WRN: variants seen among roughly 807,000 people sequenced by gnomAD.
WRN encodes the protein bifunctional 3'-5' exonuclease/ATP-dependent helicase WRN.
In WRN, 149 loss-of-function variants were observed where a neutral mutation model predicts 180.7. The observed-to-expected ratio is 0.82, with a 90% confidence interval of 0.72 to 0.94. The LOEUF (loss-of-function observed/expected upper bound fraction) is 0.94, where lower values mean the gene tolerates loss of function less well. Ranked by LOEUF, WRN falls within the 40% of genes least tolerant of loss-of-function variation. The pLI, the probability that WRN is intolerant of heterozygous loss-of-function variation, is 0.00. For missense variants in WRN, 1,661 were observed against 1,700.1 expected, an observed-to-expected ratio of 0.98 and a Z score of 0.40; for synonymous variants, 548 against 568.9, an observed-to-expected ratio of 0.96 and a Z score of 0.52.
In WRN at chr8:31,033,929, C is replaced by G. The variant is rs1563314112; in HGVS notation, c.-121C>G. ...AGGCCCTGCTTGTGGTGGCGCTCCA[C>G]AGTCATCCGGCTGAAGAAGACCTGT... On this transcript the variant is annotated 5_prime_UTR_variant, in exon 1 of 35. Transcript: ENST00000298139. 1 of 152,362 alleles carries G rather than the reference C, an allele frequency of 6.6e-6. No individual in the cohort carries two copies. Among genetic ancestry groups the G allele is most frequent in the Non-Finnish European group, 1.5e-5 (1 of 68,182 alleles). 9.4% of individuals were successfully genotyped at this position (152,362 alleles called of 1,614,324 possible).
At chr8:31,125,614 G>A (rs1368126738) in intron 23 of WRN, among the ~76,000 whole-genome samples, 1 of 137,438 alleles carries the variant, frequency 7.3e-6, no homozygotes, top group Non-Finnish European at 1.6e-5. Context: ...GGGATGAGGC[G>A]ACTGATTTTG....
In WRN at chr8:31,166,184, A is replaced by T. The variant is rs548050850; in HGVS notation, c.3983-838A>T. 4.5e-4 allele frequency among the ~76,000 whole-genome samples: 68 copies of T among 152,304 alleles called. 2 individuals carry two copies. The South Asian group carries it at 0.014, about 31-fold the overall frequency. On this transcript the variant is annotated intron_variant, in intron 33 of 34. Coordinates refer to ENST00000298139, the MANE Select transcript of WRN (RefSeq NM_000553.6). ...CTTTTCAGGTTGTCATTTGAAAAATACTTGATTTCTGATCACTGATTTGAA... is the reference window on the plus strand; with the variant it reads ...CTTTTCAGGTTGTCATTTGAAAAATTCTTGATTTCTGATCACTGATTTGAA...
rs187582238 is a variant in WRN, at chr8:31,048,032, T to C, written c.-76-10340T>C. Among the ~76,000 whole-genome samples the C allele has an allele frequency of 4.4e-3, 666 of 152,330 alleles. 3 individuals are homozygous for C. The highest frequency in any genetic ancestry group is 5.3e-3 in the Non-Finnish European group (360 of 68,028). On this transcript the variant is annotated intron_variant, in intron 1 of 34. Transcript: ENST00000298139. ...ATGGCATTTTATTGTGTTTATTTGT[T>C]TGATTCCATTTACAGTTTATTTCAC... is the stretch of plus-strand genomic sequence containing the variant.
chr8:31,064,381 A>G lies in WRN; in HGVS notation c.302A>G (p.Gln101Arg). Residue 101 changes from glutamine to arginine, a missense_variant, in exon 4 of 35, where the codon CAG becomes CGG. Gln to Arg is a conservative substitution (Grantham distance 43). Around this residue, in one of 3 missense-constraint regions of WRN, gnomAD observed 500 missense variants for 504.1 expected, o/e 0.99. Transcript: ENST00000298139. ...RGKLGKVALI[Q>R]LCVSESKCYL... ...AAACTTGGCAAAGTTGCACTAATTCAGTTGTGTGTTTCTGAGAGCAAATGT... is the reference window on the plus strand; with the variant it reads ...AAACTTGGCAAAGTTGCACTAATTCGGTTGTGTGTTTCTGAGAGCAAATGT... The G allele has an allele frequency of 1.2e-6, 2 of 1,614,140 alleles. No homozygotes were observed. Among genetic ancestry groups the G allele is most frequent in the East Asian group, 4.5e-5 (2 of 44,864 alleles).
chr8:31,160,830 C>CA (rs1803583102), intron 33 of WRN, among the ~76,000 whole-genome samples: 1 of 151,748 alleles, frequency 6.6e-6, no homozygotes. Context: ...CTAAAAATAC[C>CA]AAAATTAGCT....
chr8:31,087,009 A>G (rs961746671), intron 11 of WRN, among the ~76,000 whole-genome samples: 17 of 152,192 alleles, frequency 1.1e-4, no homozygotes, highest in African/African-American at 3.9e-4. Flanking sequence ...AAACAAACAG[A>G]AACACTTCTT....
At chr8:31,047,449 C>G (rs951347327) in intron 1 of WRN, among the ~76,000 whole-genome samples, 1 of 152,170 alleles carries the variant, frequency 6.6e-6, no homozygotes, top group Non-Finnish European at 1.5e-5. Context: ...TCTGAATCAT[C>G]ATTGCAGCAA....
intron 1 of WRN, among the ~76,000 whole-genome samples, chr8:31,041,905 G>A (rs765484736): frequency 6.6e-6 from 1 of 152,170 alleles, no homozygotes; most frequent in Non-Finnish European, 1.5e-5. Flanking sequence ...TTTATTCGGG[G>A]TTAGAGTTTT....
rs187771930 is a variant in WRN, at chr8:31,125,651, G to A, written c.2825+651G>A. On this transcript the variant is annotated intron_variant, in intron 23 of 34. Transcript: ENST00000298139. ...AGAATTAGCTCACGAAATTGTGGGG[G>A]TTGGCAAGTCTGAAATTTGTAGAGC... Among the ~76,000 whole-genome samples the A allele has an allele frequency of 2.0e-5, 3 of 146,620 alleles. No individual in the cohort carries two copies. The Admixed American group carries it at 2.1e-4, about 10-fold the overall frequency.
At chr8:31,127,594 A>AT (rs1801976002) in intron 23 of WRN, among the ~76,000 whole-genome samples, 1 of 151,974 alleles carries the variant, frequency 6.6e-6, no homozygotes, top group Admixed American at 6.6e-5. Flanking sequence ...TTAAAAAAAA[A>AT]CAAAAACAAA....
At position 31,053,797 on chromosome 8, in the gene WRN, A is replaced by G. The variant is rs188364185; in HGVS notation, c.-76-4575A>G. 6.3e-3 allele frequency among the ~76,000 whole-genome samples: 956 copies of G among 152,354 alleles called. 7 individuals carry two copies. The highest frequency in any genetic ancestry group is 0.01 in the Non-Finnish European group (700 of 68,018). Reference sequence around the variant, plus strand: ...GTTTAATTGGTGTTATTTGAATCCTAAAGAAGAATTAATAGTACTAGTAGA... The same window carrying G: ...GTTTAATTGGTGTTATTTGAATCCTGAAGAAGAATTAATAGTACTAGTAGA... On this transcript the variant is annotated intron_variant, in intron 1 of 34. Transcript: ENST00000298139.
intron 18 of WRN, 73 bp from the exon 19 acceptor site, chr8:31,111,542 G>T: frequency 1.3e-6 from 2 of 1,560,260 alleles, no homozygotes; most frequent in Non-Finnish European, 1.8e-6. Flanking sequence ...CAGTCTCTTT[G>T]TAAGAAAGCT....
chr8:31,125,070 AT>A, intron 23 of WRN, 70 bp downstream of exon 23: 1 of 1,439,964 alleles, frequency 6.9e-7, no homozygotes. Context: ...GTTTAACTGA[AT>A]TTTTGTTGAA....
At chr8:31,150,303 GACC>G in intron 30 of WRN, 35 bp from the exon 31 acceptor site, 3 of 1,527,764 alleles carry the variant, frequency 2.0e-6, no homozygotes, top group Non-Finnish European at 2.7e-6. Context: ...GTGGTTTCTT[GACC>G]TTTTTGTTGT....
chr8:31,096,437 T>G (rs577684106), intron 16 of WRN, among the ~76,000 whole-genome samples: 20 of 152,228 alleles, frequency 1.3e-4, no homozygotes, highest in Middle Eastern at 3.4e-3. Flanking sequence ...AAATTTATAT[T>G]AAGGATAAAG....
chr8:31,063,891 T>C (rs1262081200), intron 3 of WRN, among the ~76,000 whole-genome samples: 1 of 152,016 alleles, frequency 6.6e-6, no homozygotes, highest in African/African-American at 2.4e-5. Flanking sequence ...GCCCAGCTAA[T>C]TTTTAATTTT....
intron 17 of WRN, among the ~76,000 whole-genome samples, chr8:31,097,067 A>G (rs993151789): frequency 5.3e-5 from 8 of 152,120 alleles, no homozygotes; most frequent in Admixed American, 6.6e-5. Flanking sequence ...TATCATAATT[A>G]CCTGTTTATA....
At chr8:31,114,533 G>C (rs755807404) in intron 19 of WRN, among the ~76,000 whole-genome samples, 13 of 152,160 alleles carry the variant, frequency 8.5e-5, no homozygotes, top group Non-Finnish European at 1.6e-4. Context: ...AAAAAAGAGT[G>C]ATATGTAGTC....
intron 24 of WRN, among the ~76,000 whole-genome samples, chr8:31,133,059 C>CT (rs35832938): frequency 1.3e-5 from 2 of 151,866 alleles, no homozygotes; most frequent in African/African-American, 4.8e-5. Context: ...AATTCAGTTA[C>CT]TTTTTTTTGG....
Sources: gnomAD v4.1 joint callset for allele counts (sites outside exome capture counted in the v4.1 genomes callset) on GRCh38, gnomAD v4.1.1 for gene constraint, gnomAD v4.1.1 regional missense constraint, MANE v1.5 for transcripts, NCBI Gene and HGNC (gene_info 2026-07-23, HGNC 2026-07-21) for gene names.